Variants in KCNQ3 observed in about 807,000 individuals in gnomAD.
KCNQ3 encodes potassium voltage-gated channel subfamily Q member 3.
KCNQ3 carries 30 observed loss-of-function variants against 92.5 expected under a neutral mutation model. The observed-to-expected ratio is 0.32, with a 90% CI of 0.24 to 0.44. The LOEUF is 0.44. Among genes scored for constraint, KCNQ3 ranks in the 20% least tolerant of loss-of-function variants. KCNQ3 has a pLI of 1.00. For missense variants in KCNQ3, 913 were observed against 1,140.3 expected (o/e 0.80, Z 2.87); for synonymous variants, 450 against 468.8 (o/e 0.96, Z 0.52).
chr8:132,431,555 C>A (rs1821252167), intron 1 of KCNQ3, among the ~76,000 whole-genome samples: 1 of 152,254 alleles, frequency 6.6e-6, no homozygotes. Context: ...CCAGCCTCTT[C>A]TGTCTCACTG....
At chr8:132,295,846 A>T (rs1817003440) in intron 1 of KCNQ3, among the ~76,000 whole-genome samples, 2 of 152,148 alleles carry the variant, frequency 1.3e-5, no homozygotes, top group Admixed American at 1.3e-4. Flanking sequence ...GAACACATGG[A>T]CACAGGGAGG....
At chr8:132,241,663 G>A (rs534931381) in intron 1 of KCNQ3, among the ~76,000 whole-genome samples, 100 of 152,196 alleles carry the variant, frequency 6.6e-4, no homozygotes, top group Non-Finnish European at 1.2e-3. Flanking sequence ...GTGAAACCCC[G>A]TCTCCACTAA....
rs184726842 is a variant in KCNQ3 at position 132,271,745 on chromosome 8, G to A, written c.387-85564C>T. Among the ~76,000 whole-genome samples the A allele has an allele frequency of 2.2e-3, 339 of 152,258 alleles. 3 individuals are homozygous for A. Among genetic ancestry groups the A allele is most frequent in the Non-Finnish European group, 1.4e-3 (93 of 68,016 alleles). ...CCACCCTCCATAGCTCTCCACCCCC[G>A]GGAAGCTGATTGCCTTTCCTTTTCT... On this transcript the variant is annotated intron_variant, in intron 1 of 14. Transcript: ENST00000388996.
chr8:132,430,839 C>T (rs1446508796), intron 1 of KCNQ3, among the ~76,000 whole-genome samples: 1 of 152,192 alleles, frequency 6.6e-6, no homozygotes, highest in Non-Finnish European at 1.5e-5. Flanking sequence ...CCTTCCTCAA[C>T]ACCTTCCAAC....
chr8:132,371,961 A>G (rs1346083943), intron 1 of KCNQ3, among the ~76,000 whole-genome samples: 1 of 152,116 alleles, frequency 6.6e-6, no homozygotes, highest in Non-Finnish European at 1.5e-5. Context: ...GCAATTTAAG[A>G]TACCGTTTTG....
intron 1 of KCNQ3, among the ~76,000 whole-genome samples, chr8:132,211,199 T>C (rs1813840928): frequency 6.6e-6 from 1 of 152,208 alleles, no homozygotes; most frequent in Non-Finnish European, 1.5e-5. Flanking sequence ...AAACTATTGA[T>C]ATACAAGTAT....
At chr8:132,475,031 A>G (rs1822378393) in intron 1 of KCNQ3, among the ~76,000 whole-genome samples, 4 of 152,050 alleles carry the variant, frequency 2.6e-5, no homozygotes, top group Admixed American at 2.0e-4. Flanking sequence ...CAGTTGTTTG[A>G]TAAGTGTGTG....
chr8:132,259,426 A>G (rs1327971682), intron 1 of KCNQ3, among the ~76,000 whole-genome samples: 1 of 152,148 alleles, frequency 6.6e-6, no homozygotes, highest in African/African-American at 2.4e-5. Flanking sequence ...AATAAATAGA[A>G]AAAGCACTGA....
At position 132,423,569 on chromosome 8, in the gene KCNQ3, G is replaced by A. The variant is rs139878068; in HGVS notation, c.386+56578C>T. Among the ~76,000 whole-genome samples the A allele has an allele frequency of 2.8e-3, 424 of 152,342 alleles. 6 individuals are homozygous for A. The highest frequency in any genetic ancestry group is 9.1e-3 in the African/African-American group (380 of 41,580). ...GGGGCCAAGTCTTCGTCTGTAGCAT[G>A]AGGTCACTAACAGCTTCTATCTCAC... On this transcript the variant is annotated intron_variant, in intron 1 of 14. Transcript: ENST00000388996.
chr8:132,209,515 G>A (rs949676209), intron 1 of KCNQ3, among the ~76,000 whole-genome samples: 1 of 149,600 alleles, frequency 6.7e-6, no homozygotes, highest in African/African-American at 2.5e-5. Flanking sequence ...TTTGTATAAT[G>A]TACGTAATTC....
At chr8:132,255,855 A>G (rs878948393) in intron 1 of KCNQ3, among the ~76,000 whole-genome samples, 3 of 152,208 alleles carry the variant, frequency 2.0e-5, no homozygotes, top group Non-Finnish European at 4.4e-5. Flanking sequence ...AAATTACATA[A>G]ACAACGAACC....
At chr8:132,327,060 T>G (rs1302569903) in intron 1 of KCNQ3, among the ~76,000 whole-genome samples, 1 of 152,176 alleles carries the variant, frequency 6.6e-6, no homozygotes, top group African/African-American at 2.4e-5. Flanking sequence ...GCTTGACTGT[T>G]TTTTTCATTG....
rs886062698 is a variant in KCNQ3, at chr8:132,480,679, C to CCA, written c.-148_-147insTG. Reference sequence around the variant, plus strand: ...CCGCGCGCCCCTCCCCACCCCCCCCCAAAAGCAGGCAAAGGCGGGCCCCCT... The same window carrying CCA: ...CCGCGCGCCCCTCCCCACCCCCCCCCCAAAAAGCAGGCAAAGGCGGGCCCCCT... On this transcript the variant is annotated 5_prime_UTR_variant, in exon 1 of 15. Coordinates refer to ENST00000388996, the MANE Select transcript of KCNQ3 (RefSeq NM_004519.4). 4.4e-3 allele frequency: 3,829 copies of CCA among 864,948 alleles called. 33 individuals are homozygous for CCA. Among genetic ancestry groups the CCA allele is most frequent in the Admixed American group, 6.1e-3 (111 of 18,168 alleles). 53.6% of individuals were successfully genotyped at this position (864,948 alleles called of 1,614,324 possible).
chr8:132,138,072 T>C, intron 11 of KCNQ3, 56 bp from the exon 12 acceptor site: 1 of 1,591,298 alleles, frequency 6.3e-7, no homozygotes, highest in East Asian at 2.2e-5. Flanking sequence ...CGGGGAGCTA[T>C]AACAGAAGGC....
rs551301012 is a variant in KCNQ3 at position 132,270,504 on chromosome 8, G to A, written c.387-84323C>T. On this transcript the variant is annotated intron_variant, in intron 1 of 14. Coordinates refer to ENST00000388996, the MANE Select transcript of KCNQ3 (RefSeq NM_004519.4). ...TGGACAGGACTTTGATCCTCTTTGC[G>A]CCTCAGTACCTTCATATGTAAAATA... Among the ~76,000 whole-genome samples, 60 of 152,194 alleles carry A rather than the reference G, an allele frequency of 3.9e-4. 1 individual carries two copies. The Middle Eastern group carries it at 0.014, about 35-fold the overall frequency.
chr8:132,446,873 A>C (rs1271846256), intron 1 of KCNQ3, among the ~76,000 whole-genome samples: 4 of 152,230 alleles, frequency 2.6e-5, no homozygotes, highest in African/African-American at 9.6e-5. Context: ...AACAATAAAA[A>C]AGATGTAGGA....
chr8:132,388,569 C>T (rs1211373714), intron 1 of KCNQ3, among the ~76,000 whole-genome samples: 3 of 151,736 alleles, frequency 2.0e-5, no homozygotes, highest in Non-Finnish European at 2.9e-5. Context: ...ATCATGTTGC[C>T]AGTAGCATGT....
chr8:132,420,262 G>C (rs1448168616), intron 1 of KCNQ3, among the ~76,000 whole-genome samples: 1 of 152,096 alleles, frequency 6.6e-6, no homozygotes, highest in Non-Finnish European at 1.5e-5. Context: ...ATCACACTTG[G>C]AGTTAGGACT....
chr8:132,338,478 A>G (rs566913868), intron 1 of KCNQ3, among the ~76,000 whole-genome samples: 44 of 152,340 alleles, frequency 2.9e-4, no homozygotes, highest in Non-Finnish European at 5.4e-4. Flanking sequence ...TCACAGGATA[A>G]GTAATTATTA....
Sources: allele counts gnomAD v4.1 joint callset (sites outside exome capture counted in the v4.1 genomes callset), GRCh38; gene constraint gnomAD v4.1.1; transcripts MANE v1.5; gene names NCBI Gene and HGNC (gene_info 2026-07-23, HGNC 2026-07-21).